Variants in MACROD2 observed in about 807,000 individuals in gnomAD.
MACROD2 encodes ADP-ribose glycohydrolase MACROD2.
In MACROD2, 36 loss-of-function variants were observed where a neutral mutation model predicts 70.4. That is an observed-to-expected ratio of 0.51 (90% CI 0.39 to 0.68). The LOEUF (loss-of-function observed/expected upper bound fraction) is 0.68, where lower values mean the gene tolerates loss of function less well. MACROD2 is among the 30% of genes least tolerant of loss of function. The pLI is 0.00. For synonymous variants in MACROD2, 172 were observed against 178.8 expected (o/e 0.96, Z 0.30); for missense variants, 496 against 538.4 (o/e 0.92, Z 0.78).
intron 8 of MACROD2, among the ~76,000 whole-genome samples, chr20:15,564,812 C>T (rs79170498): frequency 0.031 from 4,782 of 152,158 alleles, 158 homozygotes; most frequent in East Asian, 0.13. Flanking sequence ...ATGTATTTTT[C>T]CCTTGAACAA....
intron 5 of MACROD2, among the ~76,000 whole-genome samples, chr20:15,124,484 A>C (rs1047277820): frequency 2.6e-5 from 4 of 151,736 alleles, no homozygotes; most frequent in African/African-American, 9.7e-5. Flanking sequence ...AAGGGAAACT[A>C]TATATAGCCA....
chr20:15,359,983 A>T (rs2078333104), intron 6 of MACROD2, among the ~76,000 whole-genome samples: 1 of 152,130 alleles, frequency 6.6e-6, no homozygotes, highest in African/African-American at 2.4e-5. Flanking sequence ...ACCTCATGCT[A>T]CCCATTCATA....
intron 3 of MACROD2, among the ~76,000 whole-genome samples, chr20:14,399,180 C>T (rs904523956): frequency 6.6e-6 from 1 of 152,046 alleles, no homozygotes; most frequent in African/African-American, 2.4e-5. Context: ...CCACCACAAC[C>T]GGCTAGGTTT....
chr20:14,822,549 A>G (rs1485893417), intron 5 of MACROD2, among the ~76,000 whole-genome samples: 3 of 152,236 alleles, frequency 2.0e-5, no homozygotes, highest in South Asian at 2.1e-4. Context: ...TCTATTTTCA[A>G]TAGTTATTAG....
chr20:15,503,224 A>T (rs2047386052), intron 8 of MACROD2, among the ~76,000 whole-genome samples: 1 of 152,236 alleles, frequency 6.6e-6, no homozygotes, highest in Admixed American at 6.5e-5. Flanking sequence ...GAGATGAAGA[A>T]TATTGGTATA....
intron 4 of MACROD2, among the ~76,000 whole-genome samples, chr20:14,513,923 G>A (rs1400066847): frequency 2.0e-5 from 3 of 151,696 alleles, no homozygotes; most frequent in Admixed American, 6.6e-5. Flanking sequence ...ACAGAAACAA[G>A]AATAAAAAAA....
At chr20:15,880,792 A>G (rs1268650291) in intron 9 of MACROD2, among the ~76,000 whole-genome samples, 1 of 152,092 alleles carries the variant, frequency 6.6e-6, no homozygotes, top group Non-Finnish European at 1.5e-5. Flanking sequence ...GCTCAAAGGC[A>G]GGCTGGCATG....
intron 8 of MACROD2, among the ~76,000 whole-genome samples, chr20:15,842,648 T>C (rs2064184245): frequency 6.6e-6 from 1 of 151,934 alleles, no homozygotes. Flanking sequence ...CTGTTACTCA[T>C]TTTTGATGCT....
At chr20:14,778,870 C>G (rs1236727755) in intron 5 of MACROD2, among the ~76,000 whole-genome samples, 5 of 152,056 alleles carry the variant, frequency 3.3e-5, no homozygotes, top group Non-Finnish European at 7.3e-5. Flanking sequence ...CCAAACACCT[C>G]ATTTAATGAG....
intron 5 of MACROD2, among the ~76,000 whole-genome samples, chr20:14,822,604 A>C (rs1301257121): frequency 1.3e-5 from 2 of 152,102 alleles, no homozygotes; most frequent in Admixed American, 1.3e-4. Flanking sequence ...TTTAACTTTC[A>C]TTTAAGTGAG....
chr20:14,890,470 G>A lies in MACROD2; in HGVS notation c.418+205511G>A, dbSNP rs533172186. Among the ~76,000 whole-genome samples, 6 of 152,204 alleles carry A rather than the reference G, an allele frequency of 3.9e-5. No individual in the cohort carries two copies. In the East Asian group the frequency reaches 5.8e-4, roughly 15 times the overall value. ...ATGAGGGGGAGAGCTTCATGGTGTC[G>A]AGGTCTGTTGAAAGGGGCTGGGTGC... is the stretch of plus-strand genomic sequence containing the variant. On this transcript the variant is annotated intron_variant, in intron 5 of 17. Transcript: ENST00000684519.
intron 3 of MACROD2, among the ~76,000 whole-genome samples, chr20:14,274,337 C>T (rs1355458937): frequency 2.6e-5 from 4 of 152,060 alleles, no homozygotes; most frequent in Middle Eastern, 3.2e-3. Context: ...AAGGCTGGTT[C>T]GATATACGCA....
At chr20:14,285,952 G>A (rs2082340225) in intron 3 of MACROD2, among the ~76,000 whole-genome samples, 1 of 147,208 alleles carries the variant, frequency 6.8e-6, no homozygotes. Context: ...TGTCACTGAT[G>A]TTAGAAATAG....
In MACROD2 at chr20:14,108,174, G is replaced by A. The variant is rs112107737; in HGVS notation, c.271+22446G>A. On this transcript the variant is annotated intron_variant, in intron 3 of 17. Coordinates refer to ENST00000684519, the MANE Select transcript of MACROD2 (RefSeq NM_001351661.2). ...TTTTTTTTTCTTGTTTATGCAATCA[G>A]TGTTGTCATCAGTTTAAAATATTGG... Among the ~76,000 whole-genome samples the A allele has an allele frequency of 3.3e-3, 508 of 152,010 alleles. 11 individuals are homozygous for A. Among genetic ancestry groups the A allele is most frequent in the African/African-American group, 0.012 (485 of 41,516 alleles).
intron 3 of MACROD2, among the ~76,000 whole-genome samples, chr20:14,479,892 T>C (rs1258537765): frequency 6.6e-6 from 1 of 152,224 alleles, no homozygotes; most frequent in African/African-American, 2.4e-5. Context: ...TTTTTTTAAA[T>C]AAGATACAAG....
intron 5 of MACROD2, among the ~76,000 whole-genome samples, chr20:15,164,906 A>G (rs2076373140): frequency 6.6e-6 from 1 of 152,104 alleles, no homozygotes; most frequent in Non-Finnish European, 1.5e-5. Context: ...CTCTAAAAAA[A>G]TAAATAAGCC....
intron 2 of MACROD2, among the ~76,000 whole-genome samples, chr20:14,068,848 T>C (rs1464083302): frequency 6.6e-6 from 1 of 152,206 alleles, no homozygotes; most frequent in Non-Finnish European, 1.5e-5. Context: ...TTGGGATCCA[T>C]TAAAGAACTT....
chr20:15,552,516 A>G (rs6110670), intron 8 of MACROD2: 9 of 152,218 alleles, frequency 5.9e-5, no homozygotes, highest in Middle Eastern at 3.2e-3. Context: ...GGCAGTTGAT[A>G]AGGATGCCTA....
At chr20:14,794,584 C>T (rs1484763184) in intron 5 of MACROD2, among the ~76,000 whole-genome samples, 1 of 151,994 alleles carries the variant, frequency 6.6e-6, no homozygotes, top group Non-Finnish European at 1.5e-5. Flanking sequence ...TAGAAGATGA[C>T]ATAGCCTCTG....
Sources: allele counts gnomAD v4.1 joint callset (sites outside exome capture counted in the v4.1 genomes callset), GRCh38; gene constraint gnomAD v4.1.1; transcripts MANE v1.5; gene names NCBI Gene and HGNC (gene_info 2026-07-23, HGNC 2026-07-21).